C12orf75: variants seen among roughly 807,000 people sequenced by gnomAD.
The protein encoded by C12orf75 is chromosome 12 open reading frame 75.
A neutral mutation model predicts 11.4 loss-of-function variants in C12orf75; 4 were observed. The ratio of observed to expected loss-of-function variants is 0.35; its 90% confidence interval spans 0.17 to 0.80. C12orf75 has a LOEUF of 0.80. C12orf75 is among the 30% of genes least tolerant of loss of function. The pLI is 0.52. For synonymous variants in C12orf75, 30 were observed against 30.0 expected (o/e 1.00, Z 0.00); for missense variants, 89 against 80.4 (o/e 1.11, Z -0.41).
chr12:105,370,361 C>T (rs1172317242), intron 5 of C12orf75, among the ~76,000 whole-genome samples: 1 of 152,170 alleles, frequency 6.6e-6, no homozygotes, highest in Non-Finnish European at 1.5e-5. Flanking sequence ...TGTTAATATA[C>T]ATGCAGCTAG....
intron 1 of C12orf75, among the ~76,000 whole-genome samples, 184 bp from the exon 2 acceptor site, chr12:105,348,418 C>CAAA (rs35593271): frequency 8.6e-6 from 1 of 116,102 alleles, no homozygotes; most frequent in Non-Finnish European, 1.8e-5. Context: ...GTATCTGAAA[C>CAAA]AAAAAAAAAA....
intron 1 of C12orf75, among the ~76,000 whole-genome samples, chr12:105,347,930 G>A (rs952354002): frequency 6.6e-6 from 1 of 152,156 alleles, no homozygotes; most frequent in Non-Finnish European, 1.5e-5. Flanking sequence ...CTTAAAAGGT[G>A]TATGGCTTAA....
At chr12:105,370,095 T>A (rs543561636) in intron 5 of C12orf75, among the ~76,000 whole-genome samples, 3 of 152,234 alleles carry the variant, frequency 2.0e-5, no homozygotes, top group Non-Finnish European at 4.4e-5. Flanking sequence ...AAATTACTTA[T>A]GTCAGGATGC....
intron 5 of C12orf75, among the ~76,000 whole-genome samples, chr12:105,369,605 C>A (rs891705257): frequency 6.6e-6 from 1 of 152,136 alleles, no homozygotes; most frequent in Admixed American, 6.5e-5. Context: ...GCTCTCCCTC[C>A]CCTTTCCCCC....
At chr12:105,345,363 G>A (rs1351185930) in intron 1 of C12orf75, among the ~76,000 whole-genome samples, 5 of 151,832 alleles carry the variant, frequency 3.3e-5, no homozygotes, top group African/African-American at 4.8e-5. Flanking sequence ...GGTGGTGCAC[G>A]CCTGTAATCC....
chr12:105,351,117 T>G (rs551959970), intron 2 of C12orf75, among the ~76,000 whole-genome samples: 1 of 152,246 alleles, frequency 6.6e-6, no homozygotes, highest in Non-Finnish European at 1.5e-5. Context: ...TTCAATTTTT[T>G]AAGTGGAAGC....
rs1296757750 is a variant in C12orf75 at position 105,357,807 on chromosome 12, TGAGA to T, written c.72-7980_72-7977del. Among the ~76,000 whole-genome samples the T allele has an allele frequency of 9.2e-4, 113 of 122,926 alleles. No homozygotes were observed. In the South Asian group the frequency reaches 9.9e-3, roughly 11 times the overall value. The allele number at this position is 122,926 out of a possible 152,430, so 80.6% of individuals were successfully genotyped here. A position where few individuals can be genotyped will look rare whatever the true frequency, so the allele number is the denominator to read the frequency against. ...GTGTGTGTGTGTGTGTGTGTGTGTG[TGAGA>T]GAGAGAGAGAGAGAGAGAGGAGAGA... is the stretch of plus-strand genomic sequence containing the variant. On this transcript the variant is annotated intron_variant, in intron 2 of 5. Coordinates refer to ENST00000443585, the MANE Select transcript of C12orf75 (RefSeq NM_001145199.2).
chr12:105,364,265 C>T (rs1871390351), intron 2 of C12orf75, among the ~76,000 whole-genome samples: 1 of 152,198 alleles, frequency 6.6e-6, no homozygotes, highest in Non-Finnish European at 1.5e-5. Flanking sequence ...TAGTGAACAA[C>T]TCTCTCTTAT....
intron 2 of C12orf75, among the ~76,000 whole-genome samples, chr12:105,362,491 C>A (rs1022453279): frequency 6.8e-6 from 1 of 147,774 alleles, no homozygotes; most frequent in East Asian, 2.0e-4. Flanking sequence ...CATGGTGAAA[C>A]CTCCTGTCTA....
chr12:105,365,875 A>T, intron 3 of C12orf75, 33 bp downstream of exon 3: 1 of 1,471,532 alleles, frequency 6.8e-7, no homozygotes, highest in Non-Finnish European at 9.3e-7. Context: ...CTTTAGTTTG[A>T]ATGGTTTTGG....
At chr12:105,364,189 C>T (rs1038906700) in intron 2 of C12orf75, among the ~76,000 whole-genome samples, 6 of 152,186 alleles carry the variant, frequency 3.9e-5, no homozygotes, top group Admixed American at 3.3e-4. Context: ...TTACCTTGAA[C>T]GAGTTTGTCC....
At chr12:105,341,676 G>C (rs1892576090) in intron 1 of C12orf75, among the ~76,000 whole-genome samples, 1 of 152,234 alleles carries the variant, frequency 6.6e-6, no homozygotes, top group Admixed American at 6.5e-5. Context: ...TCTGGCCCCA[G>C]TGGAGTTGGG....
At position 105,368,536 on chromosome 12, in the gene C12orf75, A is replaced by G. The variant is rs577380005; in HGVS notation, c.*33+1027A>G. Among the ~76,000 whole-genome samples, 4 of 152,344 alleles carry G rather than the reference A, an allele frequency of 2.6e-5. No homozygotes were observed. The East Asian group carries it at 5.8e-4, about 22-fold the overall frequency. ...TATGAAATAAATGTTAGCATCTGCT[A>G]TCATCATCGTCATCACCACCATACT... On this transcript the variant is annotated intron_variant, in intron 5 of 5. Transcript: ENST00000443585.
At chr12:105,357,805 T>TGA (rs1361334053) in intron 2 of C12orf75, among the ~76,000 whole-genome samples, 29 of 142,790 alleles carry the variant, frequency 2.0e-4, no homozygotes, top group Middle Eastern at 3.4e-3. Context: ...TGTGTGTGTG[T>TGA]GTGAGAGAGA....
Position 105,367,507 on chromosome 12 carries a change from G to T in C12orf75, c.*31G>T. The T allele has an allele frequency of 1.3e-6, 1 of 795,744 alleles. No homozygotes were observed. The highest frequency in any genetic ancestry group is 1.7e-5 in the African/African-American group (1 of 58,062). 49.3% of individuals were successfully genotyped at this position (795,744 alleles called of 1,614,324 possible). On this transcript the variant is annotated splice_region_variant and 3_prime_UTR_variant, in exon 5 of 6. Coordinates refer to ENST00000443585, the MANE Select transcript of C12orf75 (RefSeq NM_001145199.2). ...AATAACATCATGACTCAAGAATCAA[G>T]AGGTGCTGTATATTTTTCTAAATAA...
chr12:105,343,276 C>T (rs1480482323), intron 1 of C12orf75, among the ~76,000 whole-genome samples: 1 of 151,838 alleles, frequency 6.6e-6, no homozygotes, highest in Non-Finnish European at 1.5e-5. Flanking sequence ...ATTTCTACTT[C>T]TCCTGAGGCC....
rs1333306584 is a variant in C12orf75, at chr12:105,338,078, C to T, written c.46+7141C>T. Among the ~76,000 whole-genome samples the T allele has an allele frequency of 5.3e-5, 8 of 152,214 alleles. No homozygotes were observed. In the East Asian group the frequency reaches 1.5e-3, roughly 29 times the overall value. ...CAGTTTTACCATGAGCCACTTATAG[C>T]TCCATATAGACATGGCTTAAATTTT... On this transcript the variant is annotated intron_variant, in intron 1 of 5. Coordinates refer to ENST00000443585, the MANE Select transcript of C12orf75 (RefSeq NM_001145199.2).
intron 2 of C12orf75, among the ~76,000 whole-genome samples, chr12:105,350,937 AT>A (rs1300597818): frequency 1.3e-5 from 2 of 152,226 alleles, no homozygotes; most frequent in Non-Finnish European, 2.9e-5. Flanking sequence ...AGAATCCTGA[AT>A]TCTTCAGATT....
chr12:105,332,432 G>T (rs1892442358), intron 1 of C12orf75, among the ~76,000 whole-genome samples: 1 of 152,110 alleles, frequency 6.6e-6, no homozygotes, highest in Admixed American at 6.6e-5. Context: ...ATTGCCAAAT[G>T]AAAATCAGAA....
Sources: gnomAD v4.1 joint callset for allele counts (sites outside exome capture counted in the v4.1 genomes callset) on GRCh38, gnomAD v4.1.1 for gene constraint, MANE v1.5 for transcripts, NCBI Gene and HGNC (gene_info 2026-07-23, HGNC 2026-07-21) for gene names.